The following CFDP1 variants were observed in gnomAD, a reference collection of about 807,000 sequenced individuals.
CFDP1 encodes chromatin remodeling protein CFDP1.
CFDP1 carries 31 observed loss-of-function variants against 40.1 expected under a neutral mutation model. The ratio of observed to expected loss-of-function variants is 0.77; its 90% CI spans 0.58 to 1.04. CFDP1 has a LOEUF of 1.04. Ranked by LOEUF, CFDP1 falls within the 50% of genes least tolerant of loss-of-function variation. The probability of loss-of-function intolerance (pLI) is 0.00; values close to 1 mark genes in which losing one functional copy is unlikely to be tolerated. For missense variants in CFDP1, 423 were observed against 343.4 expected (o/e 1.23, Z -1.83); for synonymous variants, 167 against 120.0 (o/e 1.39, Z -2.56).
At chr16:75,403,160 T>C (rs1490659155) in intron 4 of CFDP1, among the ~76,000 whole-genome samples, 1 of 152,134 alleles carries the variant, frequency 6.6e-6, no homozygotes, top group Non-Finnish European at 1.5e-5. Context: ...AATAGGAAAT[T>C]TGCAGCACAC....
At chr16:75,385,585 C>T (rs1163222136) in intron 5 of CFDP1, among the ~76,000 whole-genome samples, 1 of 151,938 alleles carries the variant, frequency 6.6e-6, no homozygotes, top group Non-Finnish European at 1.5e-5. Flanking sequence ...CTGCATAGTA[C>T]ATAGAAATAT....
Position 75,411,884 on chromosome 16 carries a change from A to C in CFDP1, c.471T>G (p.Pro157=), listed in dbSNP as rs1407877195. 1.2e-6 allele frequency: 2 copies of C among 1,612,578 alleles called. No individual in the cohort carries two copies. Among genetic ancestry groups the C allele is most frequent in the Non-Finnish European group, 1.7e-6 (2 of 1,179,574 alleles). ...LLVKAEELEK[P]KETEKVKITK... ...TGATTTTAACTTTTTCTGTTTCTTT[A>C]GGTTTCTCTAGCTCTTCTGCTTTTA... Residue 157 remains proline (P), a synonymous_variant, in exon 4 of 7, where the codon CCT becomes CCG. Transcript: ENST00000283882.
At chr16:75,401,784 G>C (rs1017201894) in intron 4 of CFDP1, among the ~76,000 whole-genome samples, 1 of 152,028 alleles carries the variant, frequency 6.6e-6, no homozygotes. Context: ...AGAGTCACCT[G>C]AGACAATTAG....
At chr16:75,308,088 A>C (rs997119751) in intron 5 of CFDP1, among the ~76,000 whole-genome samples, 1 of 152,214 alleles carries the variant, frequency 6.6e-6, no homozygotes, top group Admixed American at 6.5e-5. Flanking sequence ...AGGACTTTCC[A>C]TTTCTGGCTG....
intron 5 of CFDP1, among the ~76,000 whole-genome samples, chr16:75,320,005 A>G (rs2078350780): frequency 1.3e-5 from 2 of 152,232 alleles, no homozygotes; most frequent in South Asian, 4.1e-4. Context: ...GTAAACCACA[A>G]CATTGTTTCT....
intron 5 of CFDP1, among the ~76,000 whole-genome samples, chr16:75,322,512 A>T (rs528547153): frequency 1.3e-5 from 2 of 152,336 alleles, no homozygotes; most frequent in East Asian, 3.9e-4. Flanking sequence ...AAATCTGTAT[A>T]GCATGTTACT....
At chr16:75,408,681 C>T (rs1370383064) in intron 4 of CFDP1, among the ~76,000 whole-genome samples, 1 of 151,592 alleles carries the variant, frequency 6.6e-6, no homozygotes, top group African/African-American at 2.4e-5. Flanking sequence ...GAGCCTGAGG[C>T]AGGAGAATCA....
chr16:75,433,292 A>G lies in CFDP1; in HGVS notation c.61T>C (p.Ser21Pro). The change falls in exon 1 of 7, where the codon TCG (serine) becomes CCG (proline). Residue 21 changes from serine to proline, a missense_variant. Coordinates refer to ENST00000283882, the MANE Select transcript of CFDP1 (RefSeq NM_006324.3). ...CGCCTCAGGCGGAATCGCTCACCCG[A>G]CGGCACGTAGTCCTCGTCCTCCTCC... is the stretch of plus-strand genomic sequence containing the variant. ...TSEEDEDYVP[S>P]GGEYSEDDVN... The G allele has an allele frequency of 6.3e-7, 1 of 1,599,298 alleles. No homozygotes were observed. Among genetic ancestry groups the G allele is most frequent in the Admixed American group, 1.7e-5 (1 of 59,038 alleles).
At chr16:75,362,578 A>T (rs2078686962) in intron 5 of CFDP1, among the ~76,000 whole-genome samples, 3 of 152,192 alleles carry the variant, frequency 2.0e-5, no homozygotes, top group Admixed American at 1.3e-4. Flanking sequence ...TAACATAATA[A>T]TGCAGCCAAT....
chr16:75,426,988 G>A (rs1263262384), intron 1 of CFDP1, among the ~76,000 whole-genome samples: 1 of 151,362 alleles, frequency 6.6e-6, no homozygotes, highest in East Asian at 2.0e-4. Flanking sequence ...CCGGGAGGTG[G>A]AGGTTGTGGT....
intron 5 of CFDP1, 68 bp downstream of exon 5, chr16:75,395,022 G>C: frequency 1.3e-6 from 2 of 1,583,182 alleles, no homozygotes; most frequent in Non-Finnish European, 1.7e-6. Context: ...TGCAGCGAAA[G>C]TAGGTATTTG....
intron 6 of CFDP1, among the ~76,000 whole-genome samples, chr16:75,299,241 G>A (rs1015259261): frequency 5.9e-5 from 9 of 152,146 alleles, no homozygotes; most frequent in African/African-American, 2.2e-4. Context: ...AATGACTCCT[G>A]GATGGAAACA....
intron 5 of CFDP1, among the ~76,000 whole-genome samples, chr16:75,367,058 G>C (rs892589634): frequency 6.6e-6 from 1 of 151,518 alleles, no homozygotes; most frequent in Admixed American, 6.6e-5. Context: ...CAGCTACCTG[G>C]GAGGCTGAGG....
At chr16:75,405,354 A>G (rs1340914193) in intron 4 of CFDP1, among the ~76,000 whole-genome samples, 2 of 152,196 alleles carry the variant, frequency 1.3e-5, no homozygotes, top group Non-Finnish European at 2.9e-5. Flanking sequence ...GGTGCCAGGC[A>G]TGATGACTCA....
At chr16:75,410,683 C>A (rs951211578) in intron 4 of CFDP1, among the ~76,000 whole-genome samples, 1 of 150,890 alleles carries the variant, frequency 6.6e-6, no homozygotes, top group Non-Finnish European at 1.5e-5. Flanking sequence ...CCGAGGCGGG[C>A]GGATCACGAG....
rs895504913 is a variant in CFDP1 at position 75,413,677 on chromosome 16, C to A, written c.182+901G>T. Among the ~76,000 whole-genome samples, 5 of 148,118 alleles carry A rather than the reference C, an allele frequency of 3.4e-5. 1 individual carries two copies. The highest frequency in any genetic ancestry group is 1.3e-4 in the Admixed American group (2 of 14,926). ...CAATCTAATATCTACATTCTTTTTTCTTTTTCATAAATGATAATCTGCTTT... is the reference window on the plus strand; with the variant it reads ...CAATCTAATATCTACATTCTTTTTTATTTTTCATAAATGATAATCTGCTTT... On this transcript the variant is annotated intron_variant, in intron 2 of 6. Coordinates refer to ENST00000283882, the MANE Select transcript of CFDP1 (RefSeq NM_006324.3).
intron 1 of CFDP1, among the ~76,000 whole-genome samples, chr16:75,422,103 CTCTT>C (rs971613569): frequency 2.6e-5 from 4 of 152,116 alleles, no homozygotes; most frequent in Admixed American, 6.6e-5. Flanking sequence ...CTCTCTCTCT[CTCTT>C]TTTTTTGAGA....
At chr16:75,396,960 C>T (rs2151566286) in intron 4 of CFDP1, among the ~76,000 whole-genome samples, 1 of 152,170 alleles carries the variant, frequency 6.6e-6, no homozygotes, top group Non-Finnish European at 1.5e-5. Context: ...GTCGCCTAGG[C>T]TGGAGTGCAG....
At chr16:75,330,722 T>G (rs995004757) in intron 5 of CFDP1, among the ~76,000 whole-genome samples, 1 of 152,220 alleles carries the variant, frequency 6.6e-6, no homozygotes, top group African/African-American at 2.4e-5. Flanking sequence ...ATTGCTCTTT[T>G]CCATTGGAAA....
Sources: allele counts gnomAD v4.1 joint callset (sites outside exome capture counted in the v4.1 genomes callset), GRCh38; gene constraint gnomAD v4.1.1; transcripts MANE v1.5; gene names NCBI Gene and HGNC (gene_info 2026-07-23, HGNC 2026-07-21).